RAD21L1: variants seen among roughly 807,000 people sequenced by gnomAD.
RAD21L1 encodes the protein RAD21 cohesin complex component like 1.
In RAD21L1, 47 loss-of-function variants were observed where a neutral mutation model predicts 69.0. The ratio of observed to expected loss-of-function variants is 0.68; its 90% confidence interval spans 0.54 to 0.87. The LOEUF (loss-of-function observed/expected upper bound fraction) is 0.87, where lower values mean the gene tolerates loss of function less well. RAD21L1 is among the 40% of genes least tolerant of loss of function. The pLI is 0.00. For synonymous variants in RAD21L1, 177 were observed against 205.8 expected (o/e 0.86, Z 1.20); for missense variants, 583 against 647.6 (o/e 0.90, Z 1.08).
In RAD21L1 at chr20:1,248,716, G is replaced by T. The variant is rs1244615926; in HGVS notation, c.1479+13G>T. The T allele has an allele frequency of 6.9e-7, 1 of 1,443,046 alleles. No homozygotes were observed. The highest frequency in any genetic ancestry group is 9.4e-7 in the Non-Finnish European group (1 of 1,064,290). The allele number at this position is 1,443,046 out of a possible 1,614,324, so 89.4% of individuals were successfully genotyped here. On this transcript the variant is annotated intron_variant, in intron 13 of 13. Coordinates refer to ENST00000683101, the MANE Select transcript of RAD21L1 (RefSeq NM_001384355.1). ...AAATCGTTTACGGGTGAGATGCTAG[G>T]GTTTGTCAACCCTGTTTTTATTTTA...
Position 1,246,075 on chromosome 20 carries a change from A to C in RAD21L1, c.1309-138A>C. ...GCCTATCTGGGGTATTTCAGAGATA[A>C]TATTTTGAGAATGTGGGTAGTATTT... On this transcript the variant is annotated intron_variant, in intron 11 of 13. Transcript: ENST00000683101. The surrounding 1 kb of genome is among the most constrained non-coding windows in gnomAD (Gnocchi z 4.6). 2.1e-6 allele frequency: 1 copy of C among 467,436 alleles called. No individual in the cohort carries two copies. Among genetic ancestry groups the C allele is most frequent in the Non-Finnish European group, 3.8e-6 (1 of 265,444 alleles). The allele number at this position is 467,436 out of a possible 1,614,324, so 29.0% of individuals were successfully genotyped here.
chr20:1,251,268 G>T (rs1449238087), intron 13 of RAD21L1, among the ~76,000 whole-genome samples: 1 of 151,956 alleles, frequency 6.6e-6, no homozygotes, highest in African/African-American at 2.4e-5. Context: ...GCCTTAGTTG[G>T]TGATCCTTTG....
At chr20:1,237,804 A>C (rs1375338639) in intron 5 of RAD21L1, among the ~76,000 whole-genome samples, 1 of 152,094 alleles carries the variant, frequency 6.6e-6, no homozygotes, top group African/African-American at 2.4e-5. Flanking sequence ...ACAACTATAA[A>C]CTCTATGTAA....
intron 11 of RAD21L1, among the ~76,000 whole-genome samples, chr20:1,245,283 A>G (rs1004097334): frequency 2.0e-5 from 3 of 152,204 alleles, no homozygotes; most frequent in Non-Finnish European, 4.4e-5. Context: ...CACAAGAACA[A>G]TAAGGGACAA....
intron 3 of RAD21L1, 39 bp from the exon 4 acceptor site, chr20:1,231,487 C>G: frequency 1.0e-6 from 1 of 976,468 alleles, no homozygotes; most frequent in East Asian, 2.6e-5. Flanking sequence ...TTTTATATAG[C>G]ATTGTTGCTT....
At position 1,242,602 on chromosome 20, in the gene RAD21L1, C is replaced by T; in HGVS notation, c.857-17C>T. The T allele has an allele frequency of 6.6e-7, 1 of 1,506,316 alleles. No homozygotes were observed. The highest frequency in any genetic ancestry group is 9.0e-7 in the Non-Finnish European group (1 of 1,105,844). The allele number at this position is 1,506,316 out of a possible 1,614,324, so 93.3% of individuals were successfully genotyped here. On this transcript the variant is annotated splice_polypyrimidine_tract_variant and intron_variant, in intron 8 of 13. Coordinates refer to ENST00000683101, the MANE Select transcript of RAD21L1 (RefSeq NM_001384355.1). The stretch of plus-strand genomic sequence containing the variant: ...AGCTGTATAACCAATCACATTTGTG[C>T]TATTTCTTATATTTAGACATTGCTG...
At chr20:1,233,709 C>T (rs531103982) in intron 4 of RAD21L1, among the ~76,000 whole-genome samples, 1 of 152,106 alleles carries the variant, frequency 6.6e-6, no homozygotes, top group Non-Finnish European at 1.5e-5. Flanking sequence ...AGGCACTAAT[C>T]TCATTCATGG....
At chr20:1,247,501 C>A (rs887447380) in intron 12 of RAD21L1, among the ~76,000 whole-genome samples, 1 of 152,050 alleles carries the variant, frequency 6.6e-6, no homozygotes, top group Non-Finnish European at 1.5e-5. Context: ...TAAATTGTAG[C>A]TGAAGGGATT....
In RAD21L1 at chr20:1,242,396, C is replaced by T. The variant is rs183397306; in HGVS notation, c.857-223C>T. Among the ~76,000 whole-genome samples the T allele has an allele frequency of 2.6e-5, 4 of 152,166 alleles. No homozygotes were observed. In the East Asian group the frequency reaches 5.8e-4, roughly 22 times the overall value. On this transcript the variant is annotated intron_variant, in intron 8 of 13. Coordinates refer to ENST00000683101, the MANE Select transcript of RAD21L1 (RefSeq NM_001384355.1). ...TACAGGTGCGTGCTACCATGTGTGGCTAATTTTTGTATTTTTTGTAGAGAC... is the reference window on the plus strand; with the variant it reads ...TACAGGTGCGTGCTACCATGTGTGGTTAATTTTTGTATTTTTTGTAGAGAC...
intron 12 of RAD21L1, among the ~76,000 whole-genome samples, chr20:1,248,226 T>C (rs554585688): frequency 2.0e-5 from 3 of 152,024 alleles, no homozygotes; most frequent in African/African-American, 7.2e-5. Context: ...ATAAAGGCCT[T>C]TACAAGACAG....
At position 1,228,451 on chromosome 20, in the gene RAD21L1, A is replaced by G; in HGVS notation, c.-3A>G. The G allele has an allele frequency of 6.7e-7, 1 of 1,499,864 alleles. No individual in the cohort carries two copies. The highest frequency in any genetic ancestry group is 8.9e-7 in the Non-Finnish European group (1 of 1,126,310). The allele number at this position is 1,499,864 out of a possible 1,614,324, so 92.9% of individuals were successfully genotyped here. A position where few individuals can be genotyped will look rare whatever the true frequency, so the allele number is the denominator to read the frequency against. On this transcript the variant is annotated 5_prime_UTR_variant, in exon 2 of 14. Coordinates refer to ENST00000683101, the MANE Select transcript of RAD21L1 (RefSeq NM_001384355.1). Reference sequence around the variant, plus strand: ...TTAAATACAAGTAAGGAACACAGGCAACATGTTCTACACACATGTGCTTAT... The same window carrying G: ...TTAAATACAAGTAAGGAACACAGGCGACATGTTCTACACACATGTGCTTAT...
chr20:1,230,815 T>G (rs1472963674), intron 3 of RAD21L1: 19 of 437,962 alleles, frequency 4.3e-5, no homozygotes, highest in Non-Finnish European at 5.5e-5. Flanking sequence ...TTTTTACATA[T>G]TCCACAAATA....
chr20:1,254,234 C>A, intron 13 of RAD21L1, 35 bp from the exon 14 acceptor site: 1 of 1,369,410 alleles, frequency 7.3e-7, no homozygotes, highest in Non-Finnish European at 9.8e-7. Context: ...GATCTTGTTT[C>A]CCATTTCTTT....
chr20:1,235,772 C>CT (rs11475976), intron 5 of RAD21L1, among the ~76,000 whole-genome samples: 2,039 of 145,934 alleles, frequency 0.014, 38 homozygotes, highest in African/African-American at 0.047. Context: ...TTTAGGATCA[C>CT]TTTTTTTTTT....
intron 12 of RAD21L1, 24 bp from the exon 13 acceptor site, chr20:1,248,602 A>G (rs984574680): frequency 3.0e-5 from 43 of 1,421,802 alleles, no homozygotes; most frequent in Non-Finnish European, 4.0e-5. Flanking sequence ...CTTAAATTAA[A>G]TATTTTATCT....
rs1250798063 is a variant in RAD21L1 at position 1,228,415 on chromosome 20, T to G, written c.-32-7T>G. 1 of 1,377,610 alleles carries G rather than the reference T, an allele frequency of 7.3e-7. No individual in the cohort carries two copies. The highest frequency in any genetic ancestry group is 1.5e-5 in the African/African-American group (1 of 66,406). The allele number at this position is 1,377,610 out of a possible 1,614,324, so 85.3% of individuals were successfully genotyped here. ...AAATTTTAAATTTCTTTTCGTGTTCTCTCTAGTTTGTTAAATACAAGTAAG... is the reference window on the plus strand; with the variant it reads ...AAATTTTAAATTTCTTTTCGTGTTCGCTCTAGTTTGTTAAATACAAGTAAG... On this transcript the variant is annotated splice_region_variant and splice_polypyrimidine_tract_variant and intron_variant, in intron 1 of 13. Transcript: ENST00000683101.
At position 1,254,579 on chromosome 20, in the gene RAD21L1, A is replaced by G. The variant is rs1049966668; in HGVS notation, c.*122A>G. 1 of 544,010 alleles carries G rather than the reference A, an allele frequency of 1.8e-6. No individual in the cohort carries two copies. Among genetic ancestry groups the G allele is most frequent in the Non-Finnish European group, 3.1e-6 (1 of 326,286 alleles). 33.7% of individuals were successfully genotyped at this position (544,010 alleles called of 1,614,324 possible). A position where few individuals can be genotyped will look rare whatever the true frequency, so the allele number is the denominator to read the frequency against. On this transcript the variant is annotated 3_prime_UTR_variant, in exon 14 of 14. Coordinates refer to ENST00000683101, the MANE Select transcript of RAD21L1 (RefSeq NM_001384355.1). ...ATCCATTTCATAGATAGGCTGACCT[A>G]CTTCCTCTCTGTAGTTCAGAATAAT...
At position 1,255,786 on chromosome 20, in the gene RAD21L1, T is replaced by C. The variant is rs2087922482; in HGVS notation, c.*1329T>C. 6.6e-6 allele frequency among the ~76,000 whole-genome samples: 1 copy of C among 152,206 alleles called. No homozygotes were observed. Among genetic ancestry groups the C allele is most frequent in the South Asian group, 2.1e-4 (1 of 4,828 alleles). On this transcript the variant is annotated 3_prime_UTR_variant, in exon 14 of 14. Coordinates refer to ENST00000683101, the MANE Select transcript of RAD21L1 (RefSeq NM_001384355.1). ...CCACTCTTCTCCATGACTACACTTT[T>C]GTCTTTTTGAAAATGTCACACAGAT...
At chr20:1,248,761 CT>C (rs1159254485) in intron 13 of RAD21L1, 58 bp downstream of exon 13, 1 of 972,252 alleles carries the variant, frequency 1.0e-6, no homozygotes, top group Non-Finnish European at 1.5e-6. Flanking sequence ...TAAATACTGA[CT>C]TCAAGCTTCC....
Sources: gnomAD v4.1 joint callset for allele counts (sites outside exome capture counted in the v4.1 genomes callset) on GRCh38, gnomAD v4.1.1 for gene constraint, Gnocchi (gnomAD v3.1) non-coding constraint, MANE v1.5 for transcripts, NCBI Gene and HGNC (gene_info 2026-07-23, HGNC 2026-07-21) for gene names.